Variants in PAQR3 observed in about 807,000 individuals in gnomAD.
PAQR3 encodes progestin and adipoQ receptor family member 3, also known as Raf kinase trapping to Golgi.
PAQR3 carries 39 observed loss-of-function variants against 41.7 expected under a neutral mutation model. The observed-to-expected ratio is 0.93, with a 90% CI of 0.72 to 1.22. The LOEUF is 1.22. Among genes scored for constraint, PAQR3 ranks in the 50% most tolerant of loss-of-function variants. The pLI is 0.00. For synonymous variants in PAQR3, 140 were observed against 140.6 expected, an observed-to-expected ratio of 1.00 and a Z score of 0.03; for missense variants, 366 against 385.6, an observed-to-expected ratio of 0.95 and a Z score of 0.42.
rs894773580 is a variant in PAQR3 at position 78,923,404 on chromosome 4, C to T, written c.793+453G>A. On this transcript the variant is annotated intron_variant, in intron 5 of 5. Coordinates refer to ENST00000512733, the MANE Select transcript of PAQR3 (RefSeq NM_001040202.2). ...CGTGCAGGTTTGTTACATATGTATA[C>T]AAGTGACATGTTGGTGTGCTGCACC... is the stretch of plus-strand genomic sequence containing the variant. 10 of 208,342 alleles carry T rather than the reference C, an allele frequency of 4.8e-5. No homozygotes were observed. In the Admixed American group the frequency reaches 5.4e-4, roughly 11 times the overall value. 12.9% of individuals were successfully genotyped at this position (208,342 alleles called of 1,614,324 possible).
chr4:78,894,788 C>T (rs1387423486), intron 11 of PAQR3, among the ~76,000 whole-genome samples: 7 of 152,330 alleles, frequency 4.6e-5, no homozygotes, highest in Non-Finnish European at 8.8e-5. Flanking sequence ...GTGCTTTCCT[C>T]TCTAAGCTTA....
chr4:78,917,143 CTATT>C lies in PAQR3; in HGVS notation c.*3392_*3395del, dbSNP rs1735160512. 1 of 151,912 alleles carries C rather than the reference CTATT, an allele frequency of 6.6e-6. No homozygotes were observed. Among genetic ancestry groups the C allele is most frequent in the African/African-American group, 2.4e-5 (1 of 41,384 alleles). 9.4% of individuals were successfully genotyped at this position (151,912 alleles called of 1,614,324 possible). On this transcript the variant is annotated 3_prime_UTR_variant, in exon 6 of 6. Transcript: ENST00000512733. ...AGATGAATATATGCTGCAATTTGAG[CTATT>C]TATTTTGGATAACGAATACCTTTTT...
intron 11 of PAQR3, among the ~76,000 whole-genome samples, chr4:78,902,681 C>T (rs1405745175): frequency 6.6e-6 from 1 of 152,096 alleles, no homozygotes; most frequent in Non-Finnish European, 1.5e-5. Flanking sequence ...TTCCCTGACA[C>T]TGGAAGCTTC....
chr4:78,936,817 T>A (rs1365356457), intron 1 of PAQR3, among the ~76,000 whole-genome samples: 11 of 152,200 alleles, frequency 7.2e-5, no homozygotes, highest in African/African-American at 2.7e-4. Flanking sequence ...CACCTCTCCA[T>A]GTTCCCTGCA....
In PAQR3 at chr4:78,918,202, G is replaced by C. The variant is rs1043802265; in HGVS notation, c.*2337C>G. On this transcript the variant is annotated 3_prime_UTR_variant, in exon 6 of 6. Coordinates refer to ENST00000512733, the MANE Select transcript of PAQR3 (RefSeq NM_001040202.2). The stretch of plus-strand genomic sequence containing the variant: ...TCACACATTGGTAAAATTAAAACCA[G>C]TCTTTTTTAGTAATAAAACTGGATA... 259 of 930,786 alleles carry C rather than the reference G, an allele frequency of 2.8e-4. No homozygotes were observed. Among genetic ancestry groups the C allele is most frequent in the Non-Finnish European group, 3.2e-4 (252 of 783,288 alleles). 57.7% of individuals were successfully genotyped at this position (930,786 alleles called of 1,614,324 possible). A position where few individuals can be genotyped will look rare whatever the true frequency, so the allele number is the denominator to read the frequency against.
intron 11 of PAQR3, among the ~76,000 whole-genome samples, chr4:78,897,075 AG>A (rs1334138938): frequency 2.0e-5 from 3 of 151,354 alleles, no homozygotes; most frequent in Non-Finnish European, 4.4e-5. Flanking sequence ...AATACAATTT[AG>A]TATGATTTTA....
In PAQR3 at chr4:78,939,334, C is replaced by T; in HGVS notation, c.-110G>A. Reference sequence around the variant, plus strand: ...CGCCCCGGAGCCCGCGGACGCTGCGCGAGGTCCTACCGCGCTGCCGCTGCT... The same window carrying T: ...CGCCCCGGAGCCCGCGGACGCTGCGTGAGGTCCTACCGCGCTGCCGCTGCT... On this transcript the variant is annotated 5_prime_UTR_variant, in exon 1 of 6. Coordinates refer to ENST00000512733, the MANE Select transcript of PAQR3 (RefSeq NM_001040202.2). The T allele has an allele frequency of 9.7e-7, 1 of 1,026,744 alleles. No individual in the cohort carries two copies. The allele number at this position is 1,026,744 out of a possible 1,614,324, so 63.6% of individuals were successfully genotyped here.
chr4:78,889,464 C>G (rs1343268483), intron 11 of PAQR3, among the ~76,000 whole-genome samples: 1 of 152,086 alleles, frequency 6.6e-6, no homozygotes, highest in Non-Finnish European at 1.5e-5. Context: ...GTTAAAAAAT[C>G]TAAATATATT....
chr4:78,909,035 CCTT>C (rs1253638128), downstream of PAQR3, among the ~76,000 whole-genome samples: 1 of 151,130 alleles, frequency 6.6e-6, no homozygotes, highest in Non-Finnish European at 1.5e-5. Context: ...CCTGAACTCC[CCTT>C]CTTACCTTCC....
downstream of PAQR3, chr4:78,911,216 T>C (rs576537495): frequency 6.2e-6 from 10 of 1,613,882 alleles, no homozygotes; most frequent in Non-Finnish European, 8.5e-6. Context: ...GCTGCAGGAC[T>C]GGAGCAGGAG....
At chr4:78,924,045 G>C in intron 4 of PAQR3, 98 bp from the exon 5 acceptor site, 1 of 930,436 alleles carries the variant, frequency 1.1e-6, no homozygotes, top group Non-Finnish European at 1.7e-6. Context: ...TGTTAAATCT[G>C]AACTGTTTTG....
rs1564458 is a variant in PAQR3 at position 78,919,802 on chromosome 4, G to A, written c.*737C>T. The A allele has an allele frequency of 0.047, 46,110 of 981,670 alleles. 1,433 individuals are homozygous for A. The highest frequency in any genetic ancestry group is 0.22 in the East Asian group (1,964 of 8,784). The allele number at this position is 981,670 out of a possible 1,614,324, so 60.8% of individuals were successfully genotyped here. A position where few individuals can be genotyped will look rare whatever the true frequency, so the allele number is the denominator to read the frequency against. The stretch of plus-strand genomic sequence containing the variant: ...ATATCTGGAATTAAAATGTTTAGGT[G>A]GCTAATGACTATATTATTTGACCAC... On this transcript the variant is annotated 3_prime_UTR_variant, in exon 6 of 6. Transcript: ENST00000512733.
intron 11 of PAQR3, among the ~76,000 whole-genome samples, chr4:78,902,368 T>C (rs908386208): frequency 2.0e-5 from 3 of 152,188 alleles, no homozygotes; most frequent in Admixed American, 6.5e-5. Flanking sequence ...TGGGAAATAC[T>C]GTTCACAACT....
intron 5 of PAQR3, among the ~76,000 whole-genome samples, chr4:78,921,398 G>C (rs368283319): frequency 6.6e-6 from 1 of 151,798 alleles, no homozygotes; most frequent in Non-Finnish European, 1.5e-5. Flanking sequence ...GTGCTTCTAT[G>C]GTCATATAAT....
At chr4:78,901,787 A>T (rs1734019649) in intron 11 of PAQR3, among the ~76,000 whole-genome samples, 1 of 152,164 alleles carries the variant, frequency 6.6e-6, no homozygotes, top group Non-Finnish European at 1.5e-5. Context: ...AAATTCTAAA[A>T]TTGTATTTGA....
chr4:78,922,505 AC>A (rs1387310360), intron 5 of PAQR3: 24 of 1,146,006 alleles, frequency 2.1e-5, no homozygotes, highest in African/African-American at 4.8e-5. Flanking sequence ...CTGAAAAAAA[AC>A]ATCAGTTTTA....
At chr4:78,890,202 CCCTCCCAGTCCCCTTTTCCT>C (rs1733355521) in intron 11 of PAQR3, among the ~76,000 whole-genome samples, 1 of 151,866 alleles carries the variant, frequency 6.6e-6, no homozygotes, top group African/African-American at 2.4e-5. Flanking sequence ...CTTTCCTGTT[CCCTCCCAGTCCCCTTTTCCT>C]ACTTAAACTC....
chr4:78,923,385 G>A lies in PAQR3; in HGVS notation c.793+472C>T, dbSNP rs145680286. On this transcript the variant is annotated intron_variant, in intron 5 of 5. Coordinates refer to ENST00000512733, the MANE Select transcript of PAQR3 (RefSeq NM_001040202.2). ...CTAGGGTACATGTACACAACGTGCAGGTTTGTTACATATGTATACAAGTGA... is the reference window on the plus strand; with the variant it reads ...CTAGGGTACATGTACACAACGTGCAAGTTTGTTACATATGTATACAAGTGA... 2.8e-3 allele frequency: 563 copies of A among 198,838 alleles called. 5 individuals are homozygous for A. Among genetic ancestry groups the A allele is most frequent in the South Asian group, 0.01 (107 of 10,692 alleles). 12.3% of individuals were successfully genotyped at this position (198,838 alleles called of 1,614,324 possible). A position where few individuals can be genotyped will look rare whatever the true frequency, so the allele number is the denominator to read the frequency against.
chr4:78,892,010 G>C (rs1205589734), intron 11 of PAQR3, among the ~76,000 whole-genome samples: 1 of 152,108 alleles, frequency 6.6e-6, no homozygotes, highest in Non-Finnish European at 1.5e-5. Flanking sequence ...GCTGTTTTCA[G>C]TCTTTAAAAG....
Sources: allele counts gnomAD v4.1 joint callset (sites outside exome capture counted in the v4.1 genomes callset), GRCh38; gene constraint gnomAD v4.1.1; transcripts MANE v1.5; gene names NCBI Gene and HGNC (gene_info 2026-07-23, HGNC 2026-07-21).